DSP: variants seen among roughly 807,000 people sequenced by gnomAD.
DSP encodes the protein desmoplakin.
DSP carries 114 observed loss-of-function variants against 290.6 expected under a neutral mutation model. That is an observed-to-expected ratio of 0.39 (90% CI 0.34 to 0.46). DSP has a LOEUF of 0.46. DSP is among the 20% of genes least tolerant of loss of function. The pLI is 0.99. For missense variants in DSP, 3,230 were observed against 3,495.8 expected (o/e 0.92, Z 1.92); for synonymous variants, 1,311 against 1,316.4 (o/e 1.00, Z 0.09).
intron 6 of DSP, among the ~76,000 whole-genome samples, chr6:7,564,147 T>C (rs989389920): frequency 2.6e-5 from 4 of 152,238 alleles, no homozygotes; most frequent in African/African-American, 9.6e-5. Context: ...GTTTTCAAGT[T>C]GTGTCACATA....
Position 7,569,250 on chromosome 6 carries a change from T to C in DSP, c.1484T>C (p.Val495Ala), listed in dbSNP as rs727504518. The C allele has an allele frequency of 6.2e-7, 1 of 1,614,188 alleles. No homozygotes were observed. Among genetic ancestry groups the C allele is most frequent in the Non-Finnish European group, 8.5e-7 (1 of 1,180,024 alleles). ...KDNNERSKWY[V>A]TGPGGVDMLV... is the part of the protein sequence containing the mutation. ...AACAACGAGCGCAGCAAGTGGTACG[T>C]GACGGGCCCGGGAGGCGTTGACATG... is the stretch of plus-strand genomic sequence containing the variant. Residue 495 changes from valine (V) to alanine (A), a missense_variant, in exon 12 of 24, where the codon GTG becomes GCG. By Grantham distance (64) the Val-to-Ala change is moderately conservative. Around this residue, in one of 5 missense-constraint regions of DSP, gnomAD observed 646 missense variants for 684.3 expected, o/e 0.94. Coordinates refer to ENST00000379802, the MANE Select transcript of DSP (RefSeq NM_004415.4).
At chr6:7,567,528 A>C (rs1758898426) in intron 9 of DSP, 79 bp downstream of exon 9, 1 of 1,331,700 alleles carries the variant, frequency 7.5e-7, no homozygotes, top group Non-Finnish European at 1.1e-6. Flanking sequence ...TAAAGCACTG[A>C]AAATAATCTT....
intron 2 of DSP, among the ~76,000 whole-genome samples, chr6:7,556,429 A>G (rs914197653): frequency 6.6e-6 from 1 of 152,184 alleles, no homozygotes; most frequent in African/African-American, 2.4e-5. Context: ...TTAAAACACT[A>G]GCATTCACCT....
chr6:7,578,503 A>G lies in DSP; in HGVS notation c.3025A>G (p.Arg1009Gly), dbSNP rs1413346143. ...VHARYIELLT[R>G]SGDYYRFLSE... The stretch of plus-strand genomic sequence containing the variant: ...TGCTCGGTACATTGAACTACTTACA[A>G]GATCTGGAGACTATTACAGGTTCTT... Residue 1009 changes from arginine to glycine, a missense_variant, in exon 22 of 24, where the codon AGA becomes GGA. By Grantham distance (125) the Arg-to-Gly change is moderately radical (BLOSUM62 -2). Coordinates refer to ENST00000379802, the MANE Select transcript of DSP (RefSeq NM_004415.4). The G allele has an allele frequency of 6.2e-6, 10 of 1,613,786 alleles. No homozygotes were observed. Among genetic ancestry groups the G allele is most frequent in the Non-Finnish European group, 7.6e-6 (9 of 1,179,932 alleles).
intron 2 of DSP, 78 bp downstream of exon 2, chr6:7,555,898 CG>C: frequency 7.4e-7 from 1 of 1,358,216 alleles, no homozygotes. Flanking sequence ...TTCTGCTGGC[CG>C]GGGCCTATTC....
In DSP at chr6:7,580,772, C is replaced by T. The variant is rs1433508345; in HGVS notation, c.4582C>T (p.Leu1528=). The T allele has an allele frequency of 1.9e-6, 3 of 1,614,004 alleles. No homozygotes were observed. The highest frequency in any genetic ancestry group is 2.2e-5 in the East Asian group (1 of 44,898). Reference sequence around the variant, plus strand: ...TAGTGCGACGGAGACAATAAACAAACTGAAGGTTCAGGAGCAAGAACTGAC... The same window carrying T: ...TAGTGCGACGGAGACAATAAACAAATTGAAGGTTCAGGAGCAAGAACTGAC... ...NSSATETINK[L]KVQEQELTRL... is the part of the protein sequence containing the mutation. The change falls in exon 23 of 24, where the codon CTG becomes TTG. Residue 1528 remains leucine, a synonymous_variant. Coordinates refer to ENST00000379802, the MANE Select transcript of DSP (RefSeq NM_004415.4). The surrounding 1 kb of genome is among the most constrained non-coding windows in gnomAD (Gnocchi z 4.2).
Position 7,584,119 on chromosome 6 carries a change from G to T in DSP, c.6857G>T (p.Gly2286Val). 1 of 1,614,110 alleles carries T rather than the reference G, an allele frequency of 6.2e-7. No homozygotes were observed. The highest frequency in any genetic ancestry group is 1.1e-5 in the South Asian group (1 of 91,070). The change falls in exon 24 of 24, where the codon GGT becomes GTT. Residue 2286 changes from glycine to valine, a missense_variant. By Grantham distance (109) the Gly-to-Val change is moderately radical. This residue lies in a region of DSP where 207 missense variants were observed against 281.2 expected (regional missense o/e 0.74). Coordinates refer to ENST00000379802, the MANE Select transcript of DSP (RefSeq NM_004415.4). The surrounding 1 kb of genome is among the most constrained non-coding windows in gnomAD (Gnocchi z 6.4). Reference sequence around the variant, plus strand: ...ATGAAAATTGGCTTAGTCCGACCTGGTACTGCTCTGGAGTTGCTGGAAGCC... The same window carrying T: ...ATGAAAATTGGCTTAGTCCGACCTGTTACTGCTCTGGAGTTGCTGGAAGCC... The part of the protein sequence containing the change: ...EAMKIGLVRP[G>V]TALELLEAQA...
In DSP at chr6:7,580,224, A is replaced by G. The variant is rs201964660; in HGVS notation, c.4034A>G (p.Glu1345Gly). The G allele has an allele frequency of 6.2e-7, 1 of 1,614,108 alleles. No individual in the cohort carries two copies. Residue 1345 changes from glutamate to glycine, a missense_variant, in exon 23 of 24, where the codon GAA becomes GGA. Glu to Gly is a moderately conservative substitution (Grantham distance 98, BLOSUM62 -2). Coordinates refer to ENST00000379802, the MANE Select transcript of DSP (RefSeq NM_004415.4). The surrounding 1 kb of genome is among the most constrained non-coding windows in gnomAD (Gnocchi z 4.2). Reference sequence around the variant, plus strand: ...GAGGCCAAGCGCCGCTGGGAATATGAAAATGAACTGAGTAAGGTAAGAAAC... The same window carrying G: ...GAGGCCAAGCGCCGCTGGGAATATGGAAATGAACTGAGTAAGGTAAGAAAC... ...QEEAKRRWEY[E>G]NELSKVRNNY...
intron 21 of DSP, 49 bp from the exon 22 acceptor site, chr6:7,578,413 CTT>C: frequency 7.1e-7 from 1 of 1,415,256 alleles, no homozygotes; most frequent in South Asian, 1.2e-5. Context: ...TTACATAGGA[CTT>C]TTTTTTTAAT....
chr6:7,567,554 A>T, intron 9 of DSP, 105 bp downstream of exon 9: 1 of 1,222,986 alleles, frequency 8.2e-7, no homozygotes, highest in Non-Finnish European at 1.2e-6. Context: ...TGTTGCATAA[A>T]TCCTCTTCAT....
chr6:7,574,849 G>C, intron 17 of DSP, 54 bp downstream of exon 17: 1 of 1,613,124 alleles, frequency 6.2e-7, no homozygotes, highest in Non-Finnish European at 8.5e-7. Flanking sequence ...ATTCAGATCT[G>C]AGCTCCCAAT....
rs369619485 is a variant in DSP at position 7,585,449 on chromosome 6, C to T, written c.8187C>T (p.Phe2729=). 1 of 1,614,128 alleles carries T rather than the reference C, an allele frequency of 6.2e-7. No homozygotes were observed. The highest frequency in any genetic ancestry group is 1.7e-5 in the Admixed American group (1 of 60,020). Residue 2729 remains phenylalanine, a synonymous_variant, in exon 24 of 24, where the codon TTC becomes TTT. Transcript: ENST00000379802. ...AGGCTGGCCAGCGCTTCCTGGAGTTCCAGTACCTCACGGGAGGTCTTGTTG... is the reference window on the plus strand; with the variant it reads ...AGGCTGGCCAGCGCTTCCTGGAGTTTCAGTACCTCACGGGAGGTCTTGTTG... ...PYEAGQRFLE[F]QYLTGGLVDP... is the part of the protein sequence containing the mutation.
At position 7,582,509 on chromosome 6, in the gene DSP, A is replaced by G; in HGVS notation, c.5380-133A>G. On this transcript the variant is annotated intron_variant, in intron 23 of 23. Coordinates refer to ENST00000379802, the MANE Select transcript of DSP (RefSeq NM_004415.4). The surrounding 1 kb of genome is among the most constrained non-coding windows in gnomAD (Gnocchi z 4.2). ...TAACAAGCTCACAGTGTATCCAGGG[A>G]CAATATAGAAAGAAAAAATAAGCAA... 4 of 819,766 alleles carry G rather than the reference A, an allele frequency of 4.9e-6. No individual in the cohort carries two copies. The highest frequency in any genetic ancestry group is 7.7e-6 in the Non-Finnish European group (4 of 516,814). The allele number at this position is 819,766 out of a possible 1,614,324, so 50.8% of individuals were successfully genotyped here.
rs76917486 is a variant in DSP, at chr6:7,566,085, G to A, written c.940-292G>A. Among the ~76,000 whole-genome samples, 1,364 of 152,316 alleles carry A rather than the reference G, an allele frequency of 9.0e-3. 52 individuals carry two copies. The East Asian group carries it at 0.13, about 15-fold the overall frequency. On this transcript the variant is annotated intron_variant, in intron 7 of 23. Coordinates refer to ENST00000379802, the MANE Select transcript of DSP (RefSeq NM_004415.4). ...GGTACGTTCAGATAACCCAGGATGTGTGTGGCACTGCAGGAGGGTGGGTGG... is the reference window on the plus strand; with the variant it reads ...GGTACGTTCAGATAACCCAGGATGTATGTGGCACTGCAGGAGGGTGGGTGG...
rs1581779570 is a variant in DSP, at chr6:7,543,165, C to T, written c.170+1080C>T. Among the ~76,000 whole-genome samples the T allele has an allele frequency of 3.3e-5, 5 of 152,274 alleles. No homozygotes were observed. The South Asian group carries it at 8.3e-4, about 25-fold the overall frequency. On this transcript the variant is annotated intron_variant, in intron 1 of 23. Transcript: ENST00000379802. ...CGTTTTGCAGCCCGCCCCACCTCCC[C>T]GCCCCCTGCTAGTTGTTCCCACGTC...
intron 1 of DSP, among the ~76,000 whole-genome samples, chr6:7,548,068 C>A (rs1285565608): frequency 6.6e-6 from 1 of 151,938 alleles, no homozygotes; most frequent in East Asian, 1.9e-4. Flanking sequence ...GGAGTTCCAG[C>A]CCAGCCTAGC....
Position 7,586,687 on chromosome 6 carries a change from A to C in DSP, c.*809A>C, listed in dbSNP as rs1291812890. Reference sequence around the variant, plus strand: ...AATACCTGTGAAGAAATACCATTAAAAAACTATTTGGTTCTGAATTCTTAC... The same window carrying C: ...AATACCTGTGAAGAAATACCATTAACAAACTATTTGGTTCTGAATTCTTAC... On this transcript the variant is annotated 3_prime_UTR_variant, in exon 24 of 24. Transcript: ENST00000379802. The C allele has an allele frequency of 1.3e-5, 2 of 152,268 alleles. No homozygotes were observed. The highest frequency in any genetic ancestry group is 2.9e-5 in the Non-Finnish European group (2 of 68,054). The allele number at this position is 152,268 out of a possible 1,614,324, so 9.4% of individuals were successfully genotyped here.
At position 7,583,326 on chromosome 6, in the gene DSP, T is replaced by A; in HGVS notation, c.6064T>A (p.Ser2022Thr). 1 of 1,614,158 alleles carries A rather than the reference T, an allele frequency of 6.2e-7. No individual in the cohort carries two copies. Among genetic ancestry groups the A allele is most frequent in the Non-Finnish European group, 8.5e-7 (1 of 1,180,032 alleles). Residue 2022 changes from serine (S) to threonine (T), a missense_variant, in exon 24 of 24, where the codon TCT becomes ACT. By Grantham distance (58) the Ser-to-Thr change is moderately conservative (BLOSUM62 1). Coordinates refer to ENST00000379802, the MANE Select transcript of DSP (RefSeq NM_004415.4). This position sits in a 1 kb window ranked among gnomAD's most constrained non-coding sequence, Gnocchi z 4.0. The stretch of plus-strand genomic sequence containing the variant: ...GGGTGCAGGATCTATCGCTGGAGCA[T>A]CTGCTTCTCCTAAGGAAAAATACTC... ...LRGAGSIAGA[S>T]ASPKEKYSLV...
In DSP at chr6:7,579,722, C is replaced by T. The variant is rs1481963016; in HGVS notation, c.3532C>T (p.Leu1178=). 6.2e-7 allele frequency: 1 copy of T among 1,613,612 alleles called. No homozygotes were observed. Among genetic ancestry groups the T allele is most frequent in the African/African-American group, 1.3e-5 (1 of 74,950 alleles). ...EYEIERLRVL[L]QEEGTRKREY... ...CGAGATTGAAAGGTTGAGGGTTCTA[C>T]TGCAGGAAGAAGGCACCCGGAAGAG... Residue 1178 remains leucine (L), a synonymous_variant, in exon 23 of 24, where the codon CTG becomes TTG. Transcript: ENST00000379802. This position sits in a 1 kb window ranked among gnomAD's most constrained non-coding sequence, Gnocchi z 4.1.
Sources: allele counts gnomAD v4.1 joint callset (sites outside exome capture counted in the v4.1 genomes callset), GRCh38; gene constraint gnomAD v4.1.1; regional missense constraint gnomAD v4.1.1; non-coding constraint Gnocchi (gnomAD v3.1); transcripts MANE v1.5; gene names NCBI Gene and HGNC (gene_info 2026-07-23, HGNC 2026-07-21).